Variants in HERC6 observed in about 807,000 individuals in gnomAD.
HERC6 encodes the protein HECT and RLD domain containing E3 ubiquitin protein ligase family member 6, also known as probable E3 ubiquitin-protein ligase HERC6.
HERC6 carries 101 observed loss-of-function variants against 114.5 expected under a neutral mutation model. That is an observed-to-expected ratio of 0.88 (90% CI 0.75 to 1.04). The LOEUF (loss-of-function observed/expected upper bound fraction) is 1.04. Ranked by LOEUF, HERC6 falls within the 50% of genes least tolerant of loss-of-function variation. The pLI is 0.00. For synonymous variants in HERC6, 408 were observed against 436.2 expected, an observed-to-expected ratio of 0.94 and a Z score of 0.81; for missense variants, 1,133 against 1,230.9, an observed-to-expected ratio of 0.92 and a Z score of 1.19.
At chr4:88,402,039 G>A (rs1735569865) in intron 8 of HERC6, among the ~76,000 whole-genome samples, 1 of 152,310 alleles carries the variant, frequency 6.6e-6, no homozygotes, top group South Asian at 2.1e-4. Context: ...ATGAACCATG[G>A]AATCTAAGCT....
rs1735035899 is a variant in HERC6, at chr4:88,393,581, A to C, written c.758A>C (p.Gln253Pro). 6.2e-7 allele frequency: 1 copy of C among 1,600,110 alleles called. No homozygotes were observed. ...GATGCACACACTGCGGTGCTTACCC[A>C]GGTAATCCAAAACGTGTTGCTATTT... ...CGDAHTAVLT[Q>P]DGKVFTFGDN... The change falls in exon 5 of 23, where the codon CAG becomes CCG. Residue 253 changes from glutamine (Q) to proline (P), a missense_variant and splice_region_variant. Around this residue, in one of 3 missense-constraint regions of HERC6, gnomAD observed 735 missense variants for 754.0 expected, o/e 0.97. Transcript: ENST00000264346.
chr4:88,403,103 A>G (rs1376190852), intron 8 of HERC6, among the ~76,000 whole-genome samples: 1 of 152,242 alleles, frequency 6.6e-6, no homozygotes, highest in Non-Finnish European at 1.5e-5. Context: ...TTTTCTTTCC[A>G]GACAGTGATT....
At chr4:88,401,733 G>A (rs745796794) in intron 8 of HERC6, among the ~76,000 whole-genome samples, 4 of 152,210 alleles carry the variant, frequency 2.6e-5, no homozygotes, top group Non-Finnish European at 5.9e-5. Context: ...ATCTGAGCAT[G>A]ACTAAGCAGA....
chr4:88,405,995 A>G (rs187774401), intron 10 of HERC6, among the ~76,000 whole-genome samples: 309 of 152,316 alleles, frequency 2.0e-3, no homozygotes, highest in Middle Eastern at 3.4e-3. Context: ...GATCTTATTT[A>G]TGTTGTCTTT....
chr4:88,415,161 G>C (rs566517626), intron 12 of HERC6, among the ~76,000 whole-genome samples: 31 of 152,230 alleles, frequency 2.0e-4, no homozygotes, highest in Admixed American at 1.6e-3. Context: ...ACATACAAAT[G>C]TATTATTTCT....
chr4:88,429,528 G>C (rs1167913131), intron 16 of HERC6, among the ~76,000 whole-genome samples: 4 of 152,088 alleles, frequency 2.6e-5, no homozygotes, highest in African/African-American at 4.8e-5. Context: ...ATCCTTTGTG[G>C]GTGCTTACAG....
intron 13 of HERC6, among the ~76,000 whole-genome samples, chr4:88,419,867 T>C (rs1321120916): frequency 6.6e-6 from 1 of 152,196 alleles, no homozygotes; most frequent in East Asian, 1.9e-4. Flanking sequence ...TTTACTAATG[T>C]TGTGATAGAG....
In HERC6 at chr4:88,442,255, G is replaced by T. The variant is rs375424167; in HGVS notation, c.2864G>T (p.Arg955Met). 6.2e-7 allele frequency: 1 copy of T among 1,611,844 alleles called. No homozygotes were observed. Among genetic ancestry groups the T allele is most frequent in the Non-Finnish European group, 8.5e-7 (1 of 1,178,788 alleles). Reference sequence around the variant, plus strand: ...CTAGTTTTCCTTACAGGACGTGATAGGCTGCATGCAAGAGGCATACAGAAA... The same window carrying T: ...CTAGTTTTCCTTACAGGACGTGATATGCTGCATGCAAGAGGCATACAGAAA... Reference protein sequence around the residue: ...KFLFFLTGRDRLHARGIQKME... With the variant: ...KFLFFLTGRDMLHARGIQKME... Residue 955 changes from arginine to methionine, a missense_variant, in exon 23 of 23, where the codon AGG becomes ATG. Physicochemically the swap from Arg to Met is moderately conservative, Grantham distance 91. Around this residue, in one of 3 missense-constraint regions of HERC6, gnomAD observed 388 missense variants for 445.9 expected, o/e 0.87. Coordinates refer to ENST00000264346, the MANE Select transcript of HERC6 (RefSeq NM_017912.4).
intron 3 of HERC6, among the ~76,000 whole-genome samples, chr4:88,386,199 C>CTTTTTTTTTTT (rs1262540915): frequency 2.5e-4 from 33 of 131,922 alleles, no homozygotes; most frequent in Non-Finnish European, 3.3e-4. Flanking sequence ...TTTTTCTTTT[C>CTTTTTTTTTTT]TTTTTTTTTT....
chr4:88,411,893 C>G (rs988352785), intron 11 of HERC6, among the ~76,000 whole-genome samples: 1 of 152,138 alleles, frequency 6.6e-6, no homozygotes. Flanking sequence ...ATGTGTCACA[C>G]ATCACTTTCT....
chr4:88,428,479 TAAG>T (rs1737853754), intron 15 of HERC6, 98 bp from the exon 16 acceptor site: 3 of 792,494 alleles, frequency 3.8e-6, no homozygotes, highest in Non-Finnish European at 5.7e-6. Context: ...ATGGCAGGAT[TAAG>T]TATATACTAC....
intron 8 of HERC6, among the ~76,000 whole-genome samples, chr4:88,400,603 T>G (rs1735481840): frequency 1.3e-5 from 2 of 152,224 alleles, no homozygotes. Flanking sequence ...AAACAACTCA[T>G]AAATTTTAAA....
chr4:88,387,603 T>C (rs888361541), intron 3 of HERC6, among the ~76,000 whole-genome samples: 5 of 152,194 alleles, frequency 3.3e-5, no homozygotes, highest in African/African-American at 9.7e-5. Context: ...CCAGGGCATA[T>C]CCCGTGGCCA....
chr4:88,390,627 T>C lies in HERC6; in HGVS notation c.437-25T>C, dbSNP rs770876139. The C allele has an allele frequency of 2.6e-6, 4 of 1,566,274 alleles. No individual in the cohort carries two copies. In the East Asian group the frequency reaches 9.1e-5, roughly 35 times the overall value. ...TTTGGTATTCTAATATGTGTACAAT[T>C]CTTAATTTCTCGTCTTTGTTGTAGA... is the stretch of plus-strand genomic sequence containing the variant. On this transcript the variant is annotated intron_variant, in intron 3 of 22. Transcript: ENST00000264346.
chr4:88,394,506 A>G (rs1735110820), intron 5 of HERC6, among the ~76,000 whole-genome samples: 1 of 148,836 alleles, frequency 6.7e-6, no homozygotes. Context: ...TTAGGTTAAT[A>G]CAGGAACTAA....
Position 88,413,058 on chromosome 4 carries a change from G to T in HERC6, c.1369-19G>T. ...CTAATATATCCTGGGTCTGTTCCCT[G>T]ATCCTATTTTTACCACAGATAACTA... On this transcript the variant is annotated intron_variant, in intron 11 of 22. Coordinates refer to ENST00000264346, the MANE Select transcript of HERC6 (RefSeq NM_017912.4). 1 of 1,584,042 alleles carries T rather than the reference G, an allele frequency of 6.3e-7. No individual in the cohort carries two copies. The highest frequency in any genetic ancestry group is 1.1e-5 in the South Asian group (1 of 88,156).
At chr4:88,419,968 C>T (rs1560557267) in intron 13 of HERC6, among the ~76,000 whole-genome samples, 1 of 151,944 alleles carries the variant, frequency 6.6e-6, no homozygotes, top group Non-Finnish European at 1.5e-5. Context: ...CTCCCTCTCC[C>T]TCTCCCTCAA....
intron 17 of HERC6, among the ~76,000 whole-genome samples, chr4:88,433,072 A>T (rs1030007764): frequency 1.3e-5 from 2 of 152,194 alleles, no homozygotes; most frequent in Non-Finnish European, 2.9e-5. Flanking sequence ...TGGGTGACAG[A>T]GCGAGACTCC....
intron 15 of HERC6, 82 bp from the exon 16 acceptor site, chr4:88,428,498 A>G (rs1737856269): frequency 9.5e-7 from 1 of 1,048,664 alleles, no homozygotes; most frequent in Non-Finnish European, 1.3e-6. Flanking sequence ...ACTACACAAA[A>G]TGTTTATTGG....
Sources: allele counts gnomAD v4.1 joint callset (sites outside exome capture counted in the v4.1 genomes callset), GRCh38; gene constraint gnomAD v4.1.1; regional missense constraint gnomAD v4.1.1; transcripts MANE v1.5; gene names NCBI Gene and HGNC (gene_info 2026-07-23, HGNC 2026-07-21).